GULP1: variants seen among roughly 807,000 people sequenced by gnomAD.
GULP1 encodes the protein PTB domain-containing engulfment adapter protein 1.
Under a neutral mutation model 40.9 loss-of-function variants are expected in GULP1, and 19 were observed. That is an observed-to-expected ratio of 0.46 (90% CI 0.32 to 0.68). The LOEUF is 0.68. Ranked by LOEUF, GULP1 falls within the 30% of genes least tolerant of loss-of-function variation. The pLI is 0.03. For synonymous variants in GULP1, 119 were observed against 117.6 expected (o/e 1.01, Z -0.08); for missense variants, 312 against 362.2 (o/e 0.86, Z 1.12).
At chr2:188,499,496 G>T (rs948814462) in intron 4 of GULP1, among the ~76,000 whole-genome samples, 3 of 151,472 alleles carry the variant, frequency 2.0e-5, no homozygotes, top group African/African-American at 7.3e-5. Context: ...CTATACCTTT[G>T]CAAAGTGTCA....
chr2:188,439,787 T>C (rs1010030846), intron 2 of GULP1, among the ~76,000 whole-genome samples: 17 of 152,114 alleles, frequency 1.1e-4, no homozygotes, highest in Non-Finnish European at 2.4e-4. Context: ...ATGCTTTTCA[T>C]CATGAAAAAA....
chr2:188,303,095 T>C (rs963361232), intron 1 of GULP1, among the ~76,000 whole-genome samples: 5 of 152,336 alleles, frequency 3.3e-5, no homozygotes, highest in African/African-American at 1.2e-4. Flanking sequence ...TTTATAAAAC[T>C]CTAGTTCACT....
At chr2:188,429,397 G>T (rs569496160) in intron 2 of GULP1, among the ~76,000 whole-genome samples, 1 of 152,192 alleles carries the variant, frequency 6.6e-6, no homozygotes, top group Admixed American at 6.5e-5. Flanking sequence ...CTCCTTGGGA[G>T]GCTGAGTTAT....
At chr2:188,376,706 AG>A (rs1162692713) in intron 1 of GULP1, among the ~76,000 whole-genome samples, 1 of 152,254 alleles carries the variant, frequency 6.6e-6, no homozygotes, top group Non-Finnish European at 1.5e-5. Flanking sequence ...AAATTGTCAA[AG>A]ATTAAAAAGA....
intron 7 of GULP1, among the ~76,000 whole-genome samples, chr2:188,558,164 T>TA (rs1269357617): frequency 6.6e-6 from 1 of 151,698 alleles, no homozygotes; most frequent in African/African-American, 2.4e-5. Context: ...TGGCCAGTGA[T>TA]ACGGTTTGGC....
intron 2 of GULP1, among the ~76,000 whole-genome samples, chr2:188,472,671 A>G (rs779900413): frequency 3.9e-5 from 6 of 152,110 alleles, no homozygotes; most frequent in Non-Finnish European, 7.4e-5. Flanking sequence ...TAATTTATCT[A>G]ATAGAATTCT....
chr2:188,293,262 A>G (rs1379773048), intron 1 of GULP1: 2 of 152,224 alleles, frequency 1.3e-5, no homozygotes, highest in African/African-American at 4.8e-5. Context: ...CTCATTTGCA[A>G]TCAGACATTT....
intron 3 of GULP1, among the ~76,000 whole-genome samples, chr2:188,478,377 A>T (rs1431838765): frequency 1.3e-5 from 2 of 152,116 alleles, no homozygotes; most frequent in Admixed American, 1.3e-4. Context: ...AAATAAATAT[A>T]ACTTTGCGTA....
At chr2:188,498,717 A>G (rs2063137921) in intron 4 of GULP1, among the ~76,000 whole-genome samples, 1 of 151,826 alleles carries the variant, frequency 6.6e-6, no homozygotes, top group Non-Finnish European at 1.5e-5. Flanking sequence ...TCAAATAGCT[A>G]GAAGGAGGAT....
chr2:188,576,635 G>C (rs1040750153), intron 9 of GULP1, among the ~76,000 whole-genome samples: 2 of 152,036 alleles, frequency 1.3e-5, no homozygotes, highest in Non-Finnish European at 2.9e-5. Flanking sequence ...TCAATCATGG[G>C]TTCCTTTTCT....
chr2:188,400,709 G>T (rs183368414), intron 2 of GULP1, among the ~76,000 whole-genome samples: 57 of 152,252 alleles, frequency 3.7e-4, no homozygotes, highest in African/African-American at 1.3e-3. Context: ...TAGTAATTTA[G>T]GTTTGAAATG....
intron 2 of GULP1, among the ~76,000 whole-genome samples, chr2:188,423,403 C>T (rs913734649): frequency 6.6e-6 from 1 of 151,746 alleles, no homozygotes; most frequent in Non-Finnish European, 1.5e-5. Flanking sequence ...AGAATTAATA[C>T]CTATTTTTCC....
At chr2:188,480,519 T>A (rs2061363610) in intron 3 of GULP1, among the ~76,000 whole-genome samples, 1 of 151,974 alleles carries the variant, frequency 6.6e-6, no homozygotes, top group Non-Finnish European at 1.5e-5. Context: ...ATTCACTGAT[T>A]TTCTTTGCAG....
At chr2:188,564,386 CAA>C (rs946223087) in intron 7 of GULP1, among the ~76,000 whole-genome samples, 2 of 151,686 alleles carry the variant, frequency 1.3e-5, no homozygotes, top group Non-Finnish European at 3.0e-5. Flanking sequence ...ATTTATGAAA[CAA>C]ATTTAGCAAA....
chr2:188,338,045 A>C, intron 1 of GULP1, among the ~76,000 whole-genome samples: 1 of 152,100 alleles, frequency 6.6e-6, no homozygotes, highest in East Asian at 1.9e-4. Context: ...GTATTTTCAA[A>C]ATTAGTATTT....
intron 2 of GULP1, among the ~76,000 whole-genome samples, chr2:188,465,426 C>T (rs2060030510): frequency 1.3e-5 from 2 of 151,858 alleles, no homozygotes; most frequent in South Asian, 4.2e-4. Flanking sequence ...GATCCTCAAG[C>T]AGAAGGAAGG....
chr2:188,348,951 AT>A (rs1199093746), intron 1 of GULP1, among the ~76,000 whole-genome samples: 1 of 152,244 alleles, frequency 6.6e-6, no homozygotes, highest in Non-Finnish European at 1.5e-5. Flanking sequence ...GTAGATGGAA[AT>A]TATTGAAACC....
intron 1 of GULP1, among the ~76,000 whole-genome samples, chr2:188,332,403 TG>T (rs2041725532): frequency 6.6e-6 from 1 of 152,154 alleles, no homozygotes; most frequent in Non-Finnish European, 1.5e-5. Flanking sequence ...TTGGCCAGGC[TG>T]GTCTTGAACT....
chr2:188,538,493 T>C (rs1689525750), intron 6 of GULP1, among the ~76,000 whole-genome samples: 3 of 152,142 alleles, frequency 2.0e-5, no homozygotes, highest in Non-Finnish European at 2.9e-5. Context: ...TGCATATTAA[T>C]ATAGAACAAC....
Sources: gnomAD v4.1 joint callset for allele counts (sites outside exome capture counted in the v4.1 genomes callset) on GRCh38, gnomAD v4.1.1 for gene constraint, MANE v1.5 for transcripts, NCBI Gene and HGNC (gene_info 2026-07-23, HGNC 2026-07-21) for gene names.